The following ASTN2 variants were observed in gnomAD, a reference collection of about 807,000 sequenced individuals.
The protein encoded by ASTN2 is astrotactin-2.
ASTN2 carries 54 observed loss-of-function variants against 139.8 expected under a neutral mutation model. The ratio of observed to expected loss-of-function variants is 0.39; its 90% confidence interval spans 0.31 to 0.48. The LOEUF is 0.48. Among genes scored for constraint, ASTN2 ranks in the 20% least tolerant of loss-of-function variants. ASTN2 has a pLI of 0.95. For missense variants in ASTN2, 1,565 were observed against 1,725.1 expected (o/e 0.91, Z 1.64); for synonymous variants, 756 against 719.5 (o/e 1.05, Z -0.81).
In ASTN2 at chr9:117,295,071, C is replaced by A. The variant is rs138101310; in HGVS notation, c.443-3558G>T. Among the ~76,000 whole-genome samples, 146 of 152,302 alleles carry A rather than the reference C, an allele frequency of 9.6e-4. 1 individual carries two copies. The East Asian group carries it at 0.024, about 25-fold the overall frequency. The stretch of plus-strand genomic sequence containing the variant: ...GTGCAGTGGCTCACACCTGTAATCT[C>A]AGCATTTTGAGAGGCCGAGGCAGGC... On this transcript the variant is annotated intron_variant, in intron 1 of 22. Transcript: ENST00000313400.
At chr9:117,036,882 T>A (rs1324365511) in intron 6 of ASTN2, among the ~76,000 whole-genome samples, 1 of 152,160 alleles carries the variant, frequency 6.6e-6, no homozygotes, top group Non-Finnish European at 1.5e-5. Context: ...CAACAGTCCT[T>A]TCGGCATCTG....
intron 13 of ASTN2, among the ~76,000 whole-genome samples, chr9:116,787,836 T>C (rs1358882788): frequency 6.6e-6 from 1 of 152,258 alleles, no homozygotes; most frequent in African/African-American, 2.4e-5. Context: ...GAATAAAGTA[T>C]GAACTTTAGG....
intron 4 of ASTN2, among the ~76,000 whole-genome samples, chr9:117,139,648 C>T (rs1830028133): frequency 2.6e-5 from 4 of 152,196 alleles, no homozygotes; most frequent in Admixed American, 2.6e-4. Context: ...ATGTGTCAGG[C>T]ACTGATTTAG....
intron 13 of ASTN2, among the ~76,000 whole-genome samples, chr9:116,787,501 C>T (rs932394223): frequency 1.3e-5 from 2 of 152,154 alleles, no homozygotes; most frequent in African/African-American, 2.4e-5. Context: ...TCCATGGACA[C>T]CAATTAGCAA....
chr9:117,013,957 A>G (rs1399711073), intron 6 of ASTN2, among the ~76,000 whole-genome samples: 1 of 152,178 alleles, frequency 6.6e-6, no homozygotes, highest in African/African-American at 2.4e-5. Context: ...AGAATAATGA[A>G]AGATGTGTGG....
At chr9:116,579,793 T>C (rs1015358573) in intron 19 of ASTN2, among the ~76,000 whole-genome samples, 2 of 151,494 alleles carry the variant, frequency 1.3e-5, no homozygotes, top group African/African-American at 4.8e-5. Flanking sequence ...GGCAAACAAT[T>C]CCCCCTCACT....
intron 1 of ASTN2, among the ~76,000 whole-genome samples, chr9:117,333,128 T>C (rs1828766284): frequency 6.6e-6 from 1 of 152,174 alleles, no homozygotes; most frequent in Non-Finnish European, 1.5e-5. Context: ...CAGATTATAT[T>C]GTATGTGAAT....
At chr9:116,696,248 A>G (rs1207998688) in intron 16 of ASTN2, among the ~76,000 whole-genome samples, 2 of 152,268 alleles carry the variant, frequency 1.3e-5, no homozygotes, top group African/African-American at 2.4e-5. Flanking sequence ...TTCCCCATAT[A>G]TACTCCCACA....
intron 19 of ASTN2, among the ~76,000 whole-genome samples, chr9:116,521,590 A>T (rs1055178916): frequency 7.2e-5 from 11 of 152,236 alleles, no homozygotes; most frequent in Middle Eastern, 3.4e-3. Flanking sequence ...AAATTGGCTT[A>T]GGCAAAGACT....
At chr9:116,829,065 T>G (rs1590605) in intron 11 of ASTN2, among the ~76,000 whole-genome samples, 120,540 of 151,824 alleles carry the variant, frequency 0.79, 48,034 homozygotes, top group East Asian at 0.92. Flanking sequence ...AATCAATATG[T>G]TTAAAAGGAT....
intron 13 of ASTN2, among the ~76,000 whole-genome samples, chr9:116,802,689 A>T (rs1478673736): frequency 6.6e-6 from 1 of 152,208 alleles, no homozygotes; most frequent in Non-Finnish European, 1.5e-5. Flanking sequence ...TCCATAAAAC[A>T]TACAATGTAC....
At chr9:116,560,517 C>A (rs903739006) in intron 19 of ASTN2, among the ~76,000 whole-genome samples, 2 of 152,140 alleles carry the variant, frequency 1.3e-5, no homozygotes, top group Non-Finnish European at 2.9e-5. Flanking sequence ...TTCATAGTAA[C>A]CTTCAATAAG....
intron 4 of ASTN2, among the ~76,000 whole-genome samples, chr9:117,137,612 C>T (rs770889705): frequency 3.9e-5 from 6 of 152,108 alleles, no homozygotes; most frequent in Non-Finnish European, 7.4e-5. Context: ...AACAAAGCAG[C>T]CTAGCTTTCT....
intron 16 of ASTN2, among the ~76,000 whole-genome samples, chr9:116,679,227 C>T (rs961853366): frequency 2.0e-5 from 3 of 151,998 alleles, no homozygotes; most frequent in African/African-American, 7.2e-5. Flanking sequence ...TTATAATATC[C>T]AGTGTTTTAA....
chr9:116,873,700 G>C (rs1232357113), intron 10 of ASTN2, among the ~76,000 whole-genome samples: 1 of 152,180 alleles, frequency 6.6e-6, no homozygotes, highest in Non-Finnish European at 1.5e-5. Context: ...GTTGGAGGAG[G>C]AGCCAGGTGG....
Position 116,835,340 on chromosome 9 carries a change from C to A in ASTN2, c.2041-14557G>T, listed in dbSNP as rs553497996. Among the ~76,000 whole-genome samples the A allele has an allele frequency of 2.1e-4, 30 of 142,472 alleles. 2 individuals are homozygous for A. In the South Asian group the frequency reaches 6.6e-3, roughly 31 times the overall value. The allele number at this position is 142,472 out of a possible 152,430, so 93.5% of individuals were successfully genotyped here. ...GAAGAAAAGGCAAAATACTTTATCC[C>A]AAAACACGTTTCTTGACATATTTTG... On this transcript the variant is annotated intron_variant, in intron 11 of 22. Transcript: ENST00000313400.
At chr9:116,970,194 G>A (rs904637631) in intron 10 of ASTN2, among the ~76,000 whole-genome samples, 7 of 152,004 alleles carry the variant, frequency 4.6e-5, no homozygotes, top group Non-Finnish European at 7.4e-5. Flanking sequence ...GACAAGATGC[G>A]GCATAACATC....
chr9:117,088,958 C>T (rs1828636031), intron 5 of ASTN2, among the ~76,000 whole-genome samples: 2 of 152,184 alleles, frequency 1.3e-5, no homozygotes, highest in Admixed American at 6.5e-5. Flanking sequence ...GGCAAACCAC[C>T]TGCACTTCTC....
intron 2 of ASTN2, among the ~76,000 whole-genome samples, chr9:117,272,236 A>C (rs961979739): frequency 1.3e-5 from 2 of 152,162 alleles, no homozygotes; most frequent in Non-Finnish European, 2.9e-5. Flanking sequence ...CAACCCTCTA[A>C]AGCCACAGGC....
Sources: gnomAD v4.1 joint callset for allele counts (sites outside exome capture counted in the v4.1 genomes callset) on GRCh38, gnomAD v4.1.1 for gene constraint, MANE v1.5 for transcripts, NCBI Gene and HGNC (gene_info 2026-07-23, HGNC 2026-07-21) for gene names.